The following TSPEAR variants were observed in gnomAD, a reference collection of about 807,000 sequenced individuals.
TSPEAR encodes the protein thrombospondin-type laminin G domain and EAR repeat-containing protein.
TSPEAR carries 69 observed loss-of-function variants against 71.6 expected under a neutral mutation model. The ratio of observed to expected loss-of-function variants is 0.96; its 90% CI spans 0.79 to 1.18. The LOEUF is 1.18. Ranked by LOEUF, TSPEAR falls within the 50% of genes most tolerant of loss-of-function variation. The pLI is 0.00. For synonymous variants in TSPEAR, 402 were observed against 387.2 expected (o/e 1.04, Z -0.45); for missense variants, 971 against 894.9 (o/e 1.09, Z -1.09).
Position 44,623,397 on chromosome 21 carries a change from C to T in TSPEAR, c.83-55392G>A, listed in dbSNP as rs1167967311. Reference sequence around the variant, plus strand: ...CTAAGACTGCTTTAACTTCATGTAGCCCCCTCCTGAATTTTGTGATCTTCT... The same window carrying T: ...CTAAGACTGCTTTAACTTCATGTAGTCCCCTCCTGAATTTTGTGATCTTCT... On this transcript the variant is annotated intron_variant, in intron 1 of 11. Transcript: ENST00000323084. The surrounding 1 kb of genome is among the most constrained non-coding windows in gnomAD (Gnocchi z 4.5). Among the ~76,000 whole-genome samples the T allele has an allele frequency of 6.6e-6, 1 of 152,104 alleles. No homozygotes were observed. Among genetic ancestry groups the T allele is most frequent in the Non-Finnish European group, 1.5e-5 (1 of 68,002 alleles).
chr21:44,668,063 G>A (rs1442596575), intron 1 of TSPEAR, among the ~76,000 whole-genome samples: 1 of 152,048 alleles, frequency 6.6e-6, no homozygotes, highest in Non-Finnish European at 1.5e-5. Flanking sequence ...GTTTTTAAAA[G>A]GAAGAAAGAA....
At chr21:44,574,418 C>T (rs1555923370) in intron 1 of TSPEAR, 2 of 1,603,736 alleles carry the variant, frequency 1.2e-6, no homozygotes, top group Non-Finnish European at 1.7e-6. Flanking sequence ...CTTGCTGCAC[C>T]TCCTCCTCCT....
intron 9 of TSPEAR, among the ~76,000 whole-genome samples, chr21:44,513,053 C>A (rs1387162417): frequency 6.6e-6 from 1 of 152,212 alleles, no homozygotes; most frequent in East Asian, 1.9e-4. Context: ...CTGTGTGTAT[C>A]CCATGTAATA....
chr21:44,555,695 A>G (rs1555919683), intron 2 of TSPEAR, among the ~76,000 whole-genome samples: 2 of 151,840 alleles, frequency 1.3e-5, no homozygotes, highest in South Asian at 4.1e-4. Flanking sequence ...CAAGCAGGGT[A>G]GAGGCTGCAC....
At chr21:44,666,770 G>A (rs1187102256) in intron 1 of TSPEAR, 2 of 1,612,318 alleles carry the variant, frequency 1.2e-6, no homozygotes, top group Non-Finnish European at 1.7e-6. Flanking sequence ...AGGACTGGCA[G>A]CCCACAGGCA....
intron 9 of TSPEAR, chr21:44,516,193 A>C (rs1555913398): frequency 6.6e-6 from 1 of 152,278 alleles, no homozygotes; most frequent in Non-Finnish European, 1.5e-5. Flanking sequence ...GAAAACAAGG[A>C]AGGCTGCCAT....
chr21:44,518,680 C>G, intron 9 of TSPEAR: 1 of 470,918 alleles, frequency 2.1e-6, no homozygotes, highest in Non-Finnish European at 4.4e-6. Flanking sequence ...CTGCCCCCCA[C>G]CAGCTCATTC....
At position 44,551,329 on chromosome 21, in the gene TSPEAR, T is replaced by C. The variant is rs782116286; in HGVS notation, c.303+16456A>G. The stretch of plus-strand genomic sequence containing the variant: ...CAGCTCACTGGGGTGCAGACCAGGG[T>C]CAGGCAGGGGGCTGGGGCACAGCAG... On this transcript the variant is annotated intron_variant, in intron 2 of 11. Coordinates refer to ENST00000323084, the MANE Select transcript of TSPEAR (RefSeq NM_144991.3). 3.7e-6 allele frequency: 6 copies of C among 1,613,066 alleles called. No homozygotes were observed. In the South Asian group the frequency reaches 6.6e-5, roughly 18 times the overall value.
At chr21:44,630,008 C>T (rs1206688965) in intron 1 of TSPEAR, among the ~76,000 whole-genome samples, 2 of 152,236 alleles carry the variant, frequency 1.3e-5, no homozygotes, top group East Asian at 1.9e-4. Flanking sequence ...GCACAGGCTT[C>T]CTGAGTGGTA....
chr21:44,605,128 C>T (rs1981226991), intron 1 of TSPEAR, among the ~76,000 whole-genome samples: 1 of 152,022 alleles, frequency 6.6e-6, no homozygotes. Flanking sequence ...GTTAAAAAAT[C>T]AACATACAAA....
At chr21:44,513,208 T>C (rs1555912941) in intron 9 of TSPEAR, among the ~76,000 whole-genome samples, 1 of 152,228 alleles carries the variant, frequency 6.6e-6, no homozygotes, top group African/African-American at 2.4e-5. Context: ...TCATTGGCTA[T>C]TGACAGCCCC....
At chr21:44,657,211 C>A (rs1418553295) in intron 1 of TSPEAR, among the ~76,000 whole-genome samples, 3 of 152,204 alleles carry the variant, frequency 2.0e-5, no homozygotes, top group Non-Finnish European at 4.4e-5. Flanking sequence ...TTCATGCATT[C>A]ATTTCTTCCT....
At chr21:44,620,749 T>C (rs1316052354) in intron 1 of TSPEAR, among the ~76,000 whole-genome samples, 2 of 152,248 alleles carry the variant, frequency 1.3e-5, no homozygotes, top group Non-Finnish European at 2.9e-5. Context: ...GGTGTAAAGT[T>C]AAATTAATGA....
Position 44,522,091 on chromosome 21 carries a change from CTG to C in TSPEAR, c.1356_1357del (p.Asp452GlufsTer105), listed in dbSNP as rs1555914363. 6.2e-7 allele frequency: 1 copy of C among 1,614,108 alleles called. No homozygotes were observed. Among genetic ancestry groups the C allele is most frequent in the East Asian group, 2.2e-5 (1 of 44,876 alleles). On this transcript the variant is annotated frameshift_variant, in exon 9 of 12. Coordinates refer to ENST00000323084, the MANE Select transcript of TSPEAR (RefSeq NM_144991.3). LOFTEE classifies it high-confidence loss of function. ...TGCCGGGTTCCACTTGTAGATGACACTGTCGATGTTGTGGTTGTCGCCTGGAA... is the reference window on the plus strand; with the variant it reads ...TGCCGGGTTCCACTTGTAGATGACACTCGATGTTGTGGTTGTCGCCTGGAA...
intron 9 of TSPEAR, chr21:44,518,866 G>A (rs1460153265): frequency 1.4e-5 from 5 of 359,856 alleles, no homozygotes; most frequent in Admixed American, 3.5e-5. Flanking sequence ...CAGGGCGCAC[G>A]TTCATGTCAG....
intron 11 of TSPEAR, among the ~76,000 whole-genome samples, chr21:44,502,235 G>A (rs1186439655): frequency 2.0e-5 from 3 of 152,208 alleles, no homozygotes; most frequent in East Asian, 1.9e-4. Flanking sequence ...AGATGTGCTC[G>A]TTAAATTAGA....
chr21:44,518,727 C>T lies in TSPEAR; in HGVS notation c.1566+3156G>A, dbSNP rs1453578951. The T allele has an allele frequency of 8.5e-6, 4 of 469,702 alleles. No individual in the cohort carries two copies. In the East Asian group the frequency reaches 2.8e-4, roughly 33 times the overall value. 29.1% of individuals were successfully genotyped at this position (469,702 alleles called of 1,614,324 possible). A position where few individuals can be genotyped will look rare whatever the true frequency, so the allele number is the denominator to read the frequency against. On this transcript the variant is annotated intron_variant, in intron 9 of 11. Coordinates refer to ENST00000323084, the MANE Select transcript of TSPEAR (RefSeq NM_144991.3). ...GGAAGTGACTGCCTACGTCTTCTTTCAGGATAAAGCCTCAAGTCCTGCAAC... is the reference window on the plus strand; with the variant it reads ...GGAAGTGACTGCCTACGTCTTCTTTTAGGATAAAGCCTCAAGTCCTGCAAC...
intron 11 of TSPEAR, among the ~76,000 whole-genome samples, chr21:44,501,878 G>A (rs2052038897): frequency 6.6e-6 from 1 of 152,184 alleles, no homozygotes; most frequent in South Asian, 2.1e-4. Context: ...CTATTCTTCA[G>A]ACTATCCCAG....
intron 1 of TSPEAR, chr21:44,627,238 C>T (rs782507473): frequency 2.5e-6 from 4 of 1,612,810 alleles, no homozygotes; most frequent in Non-Finnish European, 2.5e-6. Context: ...GGACGACTGC[C>T]CAGAGAGCTG....
Sources: gnomAD v4.1 joint callset for allele counts (sites outside exome capture counted in the v4.1 genomes callset) on GRCh38, gnomAD v4.1.1 for gene constraint, Gnocchi (gnomAD v3.1) non-coding constraint, MANE v1.5 for transcripts, NCBI Gene and HGNC (gene_info 2026-07-23, HGNC 2026-07-21) for gene names.